The following SEMA4D variants were observed in gnomAD, a reference collection of about 807,000 sequenced individuals.
SEMA4D encodes the protein semaphorin 4D, also known as semaphorin-4D.
In SEMA4D, 22 loss-of-function variants were observed where a neutral mutation model predicts 74.8. The observed-to-expected ratio is 0.29, with a 90% CI of 0.21 to 0.42. The LOEUF (loss-of-function observed/expected upper bound fraction) is 0.42. SEMA4D is among the 10% of genes least tolerant of loss of function. SEMA4D has a pLI of 1.00. For missense variants in SEMA4D, 937 were observed against 1,118.4 expected, an observed-to-expected ratio of 0.84 and a Z score of 2.31; for synonymous variants, 445 against 463.7, an observed-to-expected ratio of 0.96 and a Z score of 0.52.
chr9:89,414,406 GA>G (rs1030418957), intron 2 of SEMA4D, among the ~76,000 whole-genome samples: 6 of 152,176 alleles, frequency 3.9e-5, no homozygotes, highest in African/African-American at 1.4e-4. Context: ...CAGGACAGTG[GA>G]GGACACGCAC....
chr9:89,424,974 T>C (rs1847803306), intron 2 of SEMA4D, among the ~76,000 whole-genome samples: 2 of 152,154 alleles, frequency 1.3e-5, no homozygotes, highest in Admixed American at 6.5e-5. Context: ...GCCCCCAATC[T>C]AGTGTCCCCA....
chr9:89,436,809 G>A (rs960040762), intron 2 of SEMA4D, among the ~76,000 whole-genome samples: 2 of 152,254 alleles, frequency 1.3e-5, no homozygotes, highest in African/African-American at 2.4e-5. Flanking sequence ...GTCGCCTGGC[G>A]AGGGCAAGCT....
At chr9:89,384,334 AC>A (rs1837910690) in intron 13 of SEMA4D, among the ~76,000 whole-genome samples, 1 of 152,080 alleles carries the variant, frequency 6.6e-6, no homozygotes, top group South Asian at 2.1e-4. Flanking sequence ...GAAAACCCTG[AC>A]CCCTGCTACA....
At chr9:89,419,052 A>G (rs1277683163) in intron 2 of SEMA4D, among the ~76,000 whole-genome samples, 1 of 124,098 alleles carries the variant, frequency 8.1e-6, no homozygotes, top group African/African-American at 3.1e-5. Context: ...ACCCCTCCCC[A>G]GGAAGCAGAA....
In SEMA4D at chr9:89,392,465, G is replaced by C. The variant is rs748464825; in HGVS notation, c.580C>G (p.His194Asp). Residue 194 changes from histidine to aspartate, a missense_variant, in exon 8 of 16, where the codon CAC (histidine) becomes GAC (aspartate). His to Asp is a moderately conservative substitution (Grantham distance 81, BLOSUM62 -1). Coordinates refer to ENST00000422704, the MANE Select transcript of SEMA4D (RefSeq NM_001371194.2). ...GCATATTCTGTCCTCAGAGGACTGT[G>C]GGAAGAATTTCGGGAGATGATGGGT... is the stretch of plus-strand genomic sequence containing the variant. ...SEPIISRNSS[H>D]SPLRTEYAIP... 122 of 1,613,684 alleles carry C rather than the reference G, an allele frequency of 7.6e-5. No individual in the cohort carries two copies. The highest frequency in any genetic ancestry group is 9.9e-5 in the Non-Finnish European group (117 of 1,179,758).
rs1436328465 is a variant in SEMA4D, at chr9:89,388,674, G to A, written c.1069C>T (p.Arg357Cys). 11 of 1,604,234 alleles carry A rather than the reference G, an allele frequency of 6.9e-6. No homozygotes were observed. Among genetic ancestry groups the A allele is most frequent in the South Asian group, 4.4e-5 (4 of 90,398 alleles). ...TVEQSHTKWV[R>C]YNGPVPKPRP... ...GGCTTGGGTACCGGGCCATTATAGC[G>A]CACCCACTTGGTGTGGGACTGCTCC... The change falls in exon 11 of 16, where the codon CGC becomes TGC. Residue 357 changes from arginine to cysteine, a missense_variant. Transcript: ENST00000422704.
chr9:89,434,953 G>C (rs1437196746), intron 2 of SEMA4D, among the ~76,000 whole-genome samples: 1 of 152,048 alleles, frequency 6.6e-6, no homozygotes, highest in Non-Finnish European at 1.5e-5. Context: ...TCTCCTGAAA[G>C]AAAAAAACCT....
At chr9:89,460,666 C>T (rs549072810) in intron 1 of SEMA4D, among the ~76,000 whole-genome samples, 1 of 152,330 alleles carries the variant, frequency 6.6e-6, no homozygotes, top group Non-Finnish European at 1.5e-5. Flanking sequence ...GATACCCCAG[C>T]CTCACATGCA....
rs1421950697 is a variant in SEMA4D at position 89,363,976 on chromosome 9, C to G, written c.1883-26G>C. On this transcript the variant is annotated intron_variant, in intron 16 of 18. Transcript: ENST00000339861. Reference sequence around the variant, plus strand: ...CTGGGGACACAGACCGTTTCCACCTCTGAGTCCACATTTAGGACCCAAAGA... The same window carrying G: ...CTGGGGACACAGACCGTTTCCACCTGTGAGTCCACATTTAGGACCCAAAGA... 5.0e-6 allele frequency: 8 copies of G among 1,613,964 alleles called. No homozygotes were observed. The African/African-American group carries it at 6.7e-5, about 13-fold the overall frequency.
At chr9:89,466,628 A>C (rs942983866) in intron 1 of SEMA4D, among the ~76,000 whole-genome samples, 4 of 146,004 alleles carry the variant, frequency 2.7e-5, no homozygotes, top group African/African-American at 1.0e-4. Context: ...ACTCACCTGC[A>C]TGTGCACACT....
At chr9:89,372,016 GTC>G (rs1403379317) in intron 16 of SEMA4D, among the ~76,000 whole-genome samples, 9 of 22,752 alleles carry the variant, frequency 4.0e-4, no homozygotes, top group Non-Finnish European at 5.4e-4. Context: ...TGTGGTGTGT[GTC>G]TGGGGTGTGG....
intron 1 of SEMA4D, among the ~76,000 whole-genome samples, chr9:89,469,801 T>C (rs923643121): frequency 1.3e-5 from 2 of 152,180 alleles, no homozygotes; most frequent in African/African-American, 4.8e-5. Flanking sequence ...ACAGCTAACA[T>C]CATATTTCAT....
At chr9:89,363,424 A>C in intron 18 of SEMA4D, 1 of 1,611,812 alleles carries the variant, frequency 6.2e-7, no homozygotes, top group Non-Finnish European at 8.5e-7. Flanking sequence ...GGCTGCGGCC[A>C]CTTACCCACG....
intron 1 of SEMA4D, among the ~76,000 whole-genome samples, chr9:89,477,379 T>C (rs577825865): frequency 6.6e-6 from 1 of 152,208 alleles, no homozygotes; most frequent in Non-Finnish European, 1.5e-5. Context: ...GGCTCCACCA[T>C]TCACAGGGGC....
intron 2 of SEMA4D, among the ~76,000 whole-genome samples, chr9:89,415,664 G>T (rs1189129554): frequency 1.3e-5 from 2 of 152,178 alleles, no homozygotes; most frequent in Non-Finnish European, 2.9e-5. Flanking sequence ...CACCAAATCT[G>T]CCAGCGCCTT....
At chr9:89,461,462 G>A (rs1322772970) in intron 1 of SEMA4D, among the ~76,000 whole-genome samples, 1 of 152,164 alleles carries the variant, frequency 6.6e-6, no homozygotes, top group Non-Finnish European at 1.5e-5. Flanking sequence ...TCACATGGAT[G>A]GCTATGAGCA....
At chr9:89,397,211 G>GA (rs1841165616) in intron 5 of SEMA4D, among the ~76,000 whole-genome samples, 1 of 151,924 alleles carries the variant, frequency 6.6e-6, no homozygotes, top group Admixed American at 6.6e-5. Flanking sequence ...TGTGGTGACT[G>GA]AAAAAAAACT....
chr9:89,374,775 G>A (rs1457697684), downstream of SEMA4D, among the ~76,000 whole-genome samples: 4 of 152,184 alleles, frequency 2.6e-5, no homozygotes, highest in African/African-American at 7.2e-5. Context: ...AACAGCAGCC[G>A]GGCATGGTGG....
intron 2 of SEMA4D, among the ~76,000 whole-genome samples, chr9:89,412,584 C>T (rs1220783156): frequency 6.6e-6 from 1 of 152,236 alleles, no homozygotes; most frequent in African/African-American, 2.4e-5. Flanking sequence ...GGCTTCCAGG[C>T]CCTGCCCTGA....
Sources: allele counts gnomAD v4.1 joint callset (sites outside exome capture counted in the v4.1 genomes callset), GRCh38; gene constraint gnomAD v4.1.1; transcripts MANE v1.5; gene names NCBI Gene and HGNC (gene_info 2026-07-23, HGNC 2026-07-21).